CNTNAP3B: variants seen among roughly 807,000 people sequenced by gnomAD.
CNTNAP3B encodes the protein contactin-associated protein-like 3B.
Under a neutral mutation model 108.9 loss-of-function variants are expected in CNTNAP3B, and 25 were observed. The observed-to-expected ratio is 0.23, with a 90% confidence interval of 0.17 to 0.32. The LOEUF is 0.32. Ranked by LOEUF, CNTNAP3B falls within the 10% of genes least tolerant of loss-of-function variation. CNTNAP3B has a pLI of 1.00. For missense variants in CNTNAP3B, 252 were observed against 1,210.4 expected, an observed-to-expected ratio of 0.21 and a Z score of 11.75; for synonymous variants, 103 against 473.4, an observed-to-expected ratio of 0.22 and a Z score of 10.16.
At position 42,036,458 on chromosome 9, in the gene CNTNAP3B, C is replaced by T. The variant is rs191161563; in HGVS notation, c.391-22933G>A. Among the ~76,000 whole-genome samples, 1,252 of 139,102 alleles carry T rather than the reference C, an allele frequency of 9.0e-3. 217 individuals are homozygous for T. The highest frequency in any genetic ancestry group is 0.041 in the South Asian group (174 of 4,280). The allele number at this position is 139,102 out of a possible 152,430, so 91.3% of individuals were successfully genotyped here. A position where few individuals can be genotyped will look rare whatever the true frequency, so the allele number is the denominator to read the frequency against. On this transcript the variant is annotated intron_variant, in intron 3 of 23. Transcript: ENST00000377561. Reference sequence around the variant, plus strand: ...TCTATGAATTTGGGTCTCACTAATACTTTTTAAGATCGAACTGCAAGGCAG... The same window carrying T: ...TCTATGAATTTGGGTCTCACTAATATTTTTTAAGATCGAACTGCAAGGCAG...
intron 4 of CNTNAP3B, among the ~76,000 whole-genome samples, chr9:42,003,138 C>T (rs951803819): frequency 7.2e-6 from 1 of 139,588 alleles, no homozygotes; most frequent in Non-Finnish European, 1.5e-5. Flanking sequence ...ATCTGCCCAC[C>T]TCAGCTTCAC....
In CNTNAP3B at chr9:42,110,692, C is replaced by T. The variant is rs915792122; in HGVS notation, c.86-5953G>A. ...GAATCACAAACAGGGAAGGGGGTGC[C>T]CATACCTTCTTCAGGCCACGTCTGG... is the stretch of plus-strand genomic sequence containing the variant. On this transcript the variant is annotated intron_variant, in intron 1 of 23. Transcript: ENST00000377561. Among the ~76,000 whole-genome samples, 7 of 137,486 alleles carry T rather than the reference C, an allele frequency of 5.1e-5. 1 individual carries two copies. Among genetic ancestry groups the T allele is most frequent in the Non-Finnish European group, 7.8e-5 (5 of 64,452 alleles). 90.2% of individuals were successfully genotyped at this position (137,486 alleles called of 152,430 possible).
intron 13 of CNTNAP3B, among the ~76,000 whole-genome samples, chr9:41,945,604 C>T (rs1287221978): frequency 5.2e-5 from 8 of 152,408 alleles, no homozygotes; most frequent in Admixed American, 1.3e-4. Context: ...CATCACACAC[C>T]GGGGCCTGTC....
Position 42,097,936 on chromosome 9 carries a change from G to A in CNTNAP3B, c.196+6693C>T, listed in dbSNP as rs573808666. On this transcript the variant is annotated intron_variant, in intron 2 of 23. Coordinates refer to ENST00000377561, the MANE Select transcript of CNTNAP3B (RefSeq NM_001201380.3). ...TTTCAAAATAATCCAAGTGAGACAT[G>A]AAGAGACTAAGCTGAGGGGGAGATC... Among the ~76,000 whole-genome samples, 137 of 138,488 alleles carry A rather than the reference G, an allele frequency of 9.9e-4. 22 individuals are homozygous for A. Among genetic ancestry groups the A allele is most frequent in the Non-Finnish European group, 1.1e-3 (73 of 64,700 alleles). The allele number at this position is 138,488 out of a possible 152,430, so 90.9% of individuals were successfully genotyped here.
intron 18 of CNTNAP3B, among the ~76,000 whole-genome samples, chr9:41,918,031 A>G (rs1263245106): frequency 6.6e-6 from 1 of 152,304 alleles, no homozygotes; most frequent in Non-Finnish European, 1.5e-5. Context: ...AAAGACTTTC[A>G]ATAGTTGTTT....
Position 41,964,682 on chromosome 9 carries a change from C to A in CNTNAP3B, c.1650-38G>T, listed in dbSNP as rs1378815222. 5 of 1,526,122 alleles carry A rather than the reference C, an allele frequency of 3.3e-6. No homozygotes were observed. The African/African-American group carries it at 6.9e-5, about 21-fold the overall frequency. 94.5% of individuals were successfully genotyped at this position (1,526,122 alleles called of 1,614,324 possible). ...AGATACAACTGCTGTTTCCCTTTTT[C>A]AATCATCAAAAAATAAGTGTCTTAC... On this transcript the variant is annotated intron_variant, in intron 10 of 23. Transcript: ENST00000377561.
intron 12 of CNTNAP3B, among the ~76,000 whole-genome samples, chr9:41,954,363 T>C (rs542803559): frequency 1.3e-5 from 2 of 152,392 alleles, no homozygotes; most frequent in South Asian, 4.1e-4. Context: ...GGCTTGTGCG[T>C]AAGACAAATT....
intron 11 of CNTNAP3B, among the ~76,000 whole-genome samples, chr9:41,962,033 G>A (rs1202134053): frequency 1.3e-5 from 2 of 152,288 alleles, no homozygotes; most frequent in African/African-American, 2.4e-5. Flanking sequence ...GACAAATATT[G>A]AGGAAAGTGA....
chr9:41,962,782 C>T (rs1275759086), intron 11 of CNTNAP3B, among the ~76,000 whole-genome samples: 50 of 152,178 alleles, frequency 3.3e-4, no homozygotes, highest in African/African-American at 7.7e-4. Flanking sequence ...GGCAAAACCC[C>T]GTCTCTACTA....
chr9:41,943,875 C>CA (rs1400277988), intron 13 of CNTNAP3B, among the ~76,000 whole-genome samples: 1 of 152,240 alleles, frequency 6.6e-6, no homozygotes, highest in African/African-American at 2.4e-5. Context: ...ATTCAAATTG[C>CA]AAAAAATTGA....
Position 42,113,985 on chromosome 9 carries a change from A to G in CNTNAP3B, c.86-9246T>C, listed in dbSNP as rs957949760. On this transcript the variant is annotated intron_variant, in intron 1 of 23. Coordinates refer to ENST00000377561, the MANE Select transcript of CNTNAP3B (RefSeq NM_001201380.3). ...AAAATAATAATAATTCTTTCTATGC[A>G]CCTCTGAGAGTTGACAGAATTAGGG... Among the ~76,000 whole-genome samples the G allele has an allele frequency of 2.3e-5, 3 of 129,686 alleles. 1 individual carries two copies. Among genetic ancestry groups the G allele is most frequent in the African/African-American group, 9.5e-5 (3 of 31,532 alleles). The allele number at this position is 129,686 out of a possible 152,430, so 85.1% of individuals were successfully genotyped here.
At chr9:41,960,519 A>G (rs1263580914) in intron 12 of CNTNAP3B, among the ~76,000 whole-genome samples, 1 of 152,250 alleles carries the variant, frequency 6.6e-6, no homozygotes, top group South Asian at 2.1e-4. Flanking sequence ...CATGATGCAC[A>G]TGAACAGATG....
intron 14 of CNTNAP3B, among the ~76,000 whole-genome samples, chr9:41,933,355 A>G (rs948625824): frequency 1.9e-3 from 289 of 152,206 alleles, no homozygotes; most frequent in Non-Finnish European, 2.3e-3. Flanking sequence ...CAAATGTCCC[A>G]AGAGTCGAAA....
chr9:41,997,055 C>A (rs1825911990), intron 6 of CNTNAP3B, among the ~76,000 whole-genome samples: 1 of 122,304 alleles, frequency 8.2e-6, no homozygotes, highest in Admixed American at 8.5e-5. Context: ...CAATGGGTTG[C>A]AAAAAGCATT....
chr9:41,942,299 C>A (rs1299875430), intron 13 of CNTNAP3B, among the ~76,000 whole-genome samples: 3 of 152,266 alleles, frequency 2.0e-5, no homozygotes, highest in Non-Finnish European at 2.9e-5. Flanking sequence ...CATGGTGAAA[C>A]CCCATCTCTA....
chr9:41,967,569 A>T (rs1260336479), intron 10 of CNTNAP3B, among the ~76,000 whole-genome samples: 2 of 152,302 alleles, frequency 1.3e-5, no homozygotes, highest in Non-Finnish European at 2.9e-5. Flanking sequence ...CAACAAAGAA[A>T]GGCTGATAGA....
At chr9:42,033,958 C>T in intron 3 of CNTNAP3B, among the ~76,000 whole-genome samples, 1 of 90,684 alleles carries the variant, frequency 1.1e-5, no homozygotes. Context: ...AATGAAATGC[C>T]AAAGAACTGG....
At position 42,119,644 on chromosome 9, in the gene CNTNAP3B, A is replaced by T. The variant is rs1424270740; in HGVS notation, c.85+9366T>A. On this transcript the variant is annotated intron_variant, in intron 1 of 23. Transcript: ENST00000377561. ...TACCAAAACAGAGATATAGAAAAAC[A>T]GAACAGAGCCCTCAGAAATAATGCC... Among the ~76,000 whole-genome samples the T allele has an allele frequency of 4.3e-5, 6 of 138,576 alleles. 1 individual carries two copies. The highest frequency in any genetic ancestry group is 9.3e-5 in the Non-Finnish European group (6 of 64,702). The allele number at this position is 138,576 out of a possible 152,430, so 90.9% of individuals were successfully genotyped here. A position where few individuals can be genotyped will look rare whatever the true frequency, so the allele number is the denominator to read the frequency against.
Position 42,129,273 on chromosome 9 carries a change from C to A in CNTNAP3B, c.-179G>T, listed in dbSNP as rs746452970. 9.2e-6 allele frequency: 8 copies of A among 865,444 alleles called. 1 individual carries two copies. The African/African-American group carries it at 1.7e-4, about 19-fold the overall frequency. The allele number at this position is 865,444 out of a possible 1,614,324, so 53.6% of individuals were successfully genotyped here. ...GGCAGCCTCCCTCGGCGCTGCAGAC[C>A]CTCCCGCCAAGCCGCGCCCGGCCCC... On this transcript the variant is annotated 5_prime_UTR_variant, in exon 1 of 24. Transcript: ENST00000377561.
Sources: gnomAD v4.1 joint callset for allele counts (sites outside exome capture counted in the v4.1 genomes callset) on GRCh38, gnomAD v4.1.1 for gene constraint, MANE v1.5 for transcripts, NCBI Gene and HGNC (gene_info 2026-07-23, HGNC 2026-07-21) for gene names.